PAOX: variants seen among roughly 807,000 people sequenced by gnomAD.
The protein encoded by PAOX is peroxisomal N(1)-acetyl-spermine/spermidine oxidase.
PAOX carries 38 observed loss-of-function variants against 39.0 expected under a neutral mutation model. The observed-to-expected ratio is 0.97, with a 90% CI of 0.75 to 1.28. PAOX has a LOEUF of 1.28. Among genes scored for constraint, PAOX ranks in the 50% most tolerant of loss-of-function variants. The pLI is 0.00. For synonymous variants in PAOX, 311 were observed against 314.4 expected (o/e 0.99, Z 0.11); for missense variants, 667 against 685.7 (o/e 0.97, Z 0.30).
intron 3 of PAOX, among the ~76,000 whole-genome samples, chr10:133,383,602 C>CAAAAAAA (rs61031143): frequency 8.2e-6 from 1 of 122,256 alleles, no homozygotes; most frequent in African/African-American, 3.0e-5. Context: ...GAATCCATCT[C>CAAAAAAA]AAAAAAAAAA....
intron 3 of PAOX, chr10:133,382,847 A>G (rs1011362212): frequency 6.7e-6 from 1 of 150,082 alleles, no homozygotes; most frequent in African/African-American, 2.4e-5. Context: ...TTTTTTTCTT[A>G]ATAGAACTTG....
chr10:133,379,959 G>A (rs1417522708), intron 1 of PAOX, 40 bp from the exon 2 acceptor site: 1 of 1,503,738 alleles, frequency 6.7e-7, no homozygotes, highest in Non-Finnish European at 8.8e-7. Context: ...GACCCTTCTA[G>A]GAAAGGGACC....
At chr10:133,389,220 T>TAACACC in intron 5 of PAOX, 152 bp downstream of exon 5, 1 of 678,848 alleles carries the variant, frequency 1.5e-6, no homozygotes, top group Non-Finnish European at 2.6e-6. Context: ...GTGGGGTCAG[T>TAACACC]AACAGTTCTT....
chr10:133,384,334 C>T lies in PAOX; in HGVS notation c.1121+122C>T. ...CTAGGGGGTTTAATGGGTAGGGTTC[C>T]CATGAGCGCCCCCCCACCAGGTGCT... On this transcript the variant is annotated intron_variant, in intron 4 of 6. Coordinates refer to ENST00000278060, the MANE Select transcript of PAOX (RefSeq NM_152911.4). This position sits in a 1 kb window ranked among gnomAD's most constrained non-coding sequence, Gnocchi z 4.3. The T allele has an allele frequency of 7.0e-7, 1 of 1,427,600 alleles. No individual in the cohort carries two copies. The highest frequency in any genetic ancestry group is 9.5e-7 in the Non-Finnish European group (1 of 1,057,416). The allele number at this position is 1,427,600 out of a possible 1,614,324, so 88.4% of individuals were successfully genotyped here. A position where few individuals can be genotyped will look rare whatever the true frequency, so the allele number is the denominator to read the frequency against.
At position 133,381,528 on chromosome 10, in the gene PAOX, C is replaced by T. The variant is rs779596041; in HGVS notation, c.737C>T (p.Pro246Leu). 2.5e-6 allele frequency: 4 copies of T among 1,613,720 alleles called. No individual in the cohort carries two copies. Among genetic ancestry groups the T allele is most frequent in the Non-Finnish European group, 3.4e-6 (4 of 1,180,040 alleles). The change falls in exon 3 of 7, where the codon CCT (proline) becomes CTT (leucine). Residue 246 changes from proline to leucine, a missense_variant. Transcript: ENST00000278060. ...LPEDTVVFEK[P>L]VKTIHWNGSF... Reference sequence around the variant, plus strand: ...GAGGACACTGTAGTTTTTGAGAAGCCTGTGAAGACCATCCACTGGAACGGG... The same window carrying T: ...GAGGACACTGTAGTTTTTGAGAAGCTTGTGAAGACCATCCACTGGAACGGG...
At chr10:133,385,458 G>A (rs1849504325) in intron 4 of PAOX, among the ~76,000 whole-genome samples, 1 of 35,622 alleles carries the variant, frequency 2.8e-5, no homozygotes, top group African/African-American at 4.1e-5. Context: ...GAGTGCTTTG[G>A]TGGGACCCTG....
rs563172129 is a variant in PAOX, at chr10:133,391,482, C to T, written c.*27C>T. 4.0e-5 allele frequency: 63 copies of T among 1,585,668 alleles called. No homozygotes were observed. In the African/African-American group the frequency reaches 5.4e-4, roughly 14 times the overall value. On this transcript the variant is annotated 3_prime_UTR_variant, in exon 7 of 7. Transcript: ENST00000278060. The stretch of plus-strand genomic sequence containing the variant: ...TGGGCCCAGCCTACTCTGTTCCACC[C>T]GTGTCGGGGGTAGGCTGGGACCCTC...
At position 133,384,714 on chromosome 10, in the gene PAOX, C is replaced by T. The variant is rs1849488598; in HGVS notation, c.1121+502C>T. Among the ~76,000 whole-genome samples, 1 of 152,158 alleles carries T rather than the reference C, an allele frequency of 6.6e-6. No individual in the cohort carries two copies. Among genetic ancestry groups the T allele is most frequent in the Non-Finnish European group, 1.5e-5 (1 of 68,038 alleles). ...CCACGTGGCGATTCAGGAGTTAATC[C>T]CATGAGTGATGTGGGGATGGAGGGA... is the stretch of plus-strand genomic sequence containing the variant. On this transcript the variant is annotated intron_variant, in intron 4 of 6. Transcript: ENST00000278060. This position sits in a 1 kb window ranked among gnomAD's most constrained non-coding sequence, Gnocchi z 4.3.
rs375231493 is a variant in PAOX, at chr10:133,379,912, G to A, written c.182-87G>A. 490 of 1,477,846 alleles carry A rather than the reference G, an allele frequency of 3.3e-4. 3 individuals are homozygous for A. The African/African-American group carries it at 6.4e-3, about 19-fold the overall frequency. 91.5% of individuals were successfully genotyped at this position (1,477,846 alleles called of 1,614,324 possible). A position where few individuals can be genotyped will look rare whatever the true frequency, so the allele number is the denominator to read the frequency against. ...AGTGTGGTACATCCTCCTTGGGAAG[G>A]CCAGCGTGGGCGTGGCCCAGGAGAA... is the stretch of plus-strand genomic sequence containing the variant. On this transcript the variant is annotated intron_variant, in intron 1 of 6. Coordinates refer to ENST00000278060, the MANE Select transcript of PAOX (RefSeq NM_152911.4).
chr10:133,383,932 G>A (rs1167947803), intron 3 of PAOX, 28 bp from the exon 4 acceptor site: 1 of 1,600,622 alleles, frequency 6.2e-7, no homozygotes, highest in Admixed American at 1.7e-5. Context: ...TTTATGTGAT[G>A]TAAGAAGAGT....
intron 6 of PAOX, chr10:133,390,826 T>TCCC: frequency 1.3e-5 from 4 of 318,538 alleles, no homozygotes; most frequent in Non-Finnish European, 1.8e-5. Context: ...CCCAGATCCC[T>TCCC]CCCCCACCCT....
In PAOX at chr10:133,381,620, C is replaced by A. The variant is rs200307936; in HGVS notation, c.829C>A (p.Arg277=). ...PVSVECEDGD[R]FPAHHVIVTV... is the part of the protein sequence containing the mutation. ...GTCGGTAGAGTGTGAGGATGGAGACCGGTTCCCGGCGCACCATGTCATCGT... is the reference window on the plus strand; with the variant it reads ...GTCGGTAGAGTGTGAGGATGGAGACAGGTTCCCGGCGCACCATGTCATCGT... Residue 277 remains arginine (R), a synonymous_variant, in exon 3 of 7, where the codon CGG becomes AGG. Coordinates refer to ENST00000278060, the MANE Select transcript of PAOX (RefSeq NM_152911.4). 1 of 1,613,308 alleles carries A rather than the reference C, an allele frequency of 6.2e-7. No individual in the cohort carries two copies. The highest frequency in any genetic ancestry group is 8.5e-7 in the Non-Finnish European group (1 of 1,180,006).
rs1272544807 is a variant in PAOX at position 133,391,437 on chromosome 10, G to A, written c.1518G>A (p.Gln506=). 11 of 1,612,218 alleles carry A rather than the reference G, an allele frequency of 6.8e-6. No individual in the cohort carries two copies. The highest frequency in any genetic ancestry group is 9.3e-6 in the Non-Finnish European group (11 of 1,179,744). Residue 506 remains glutamine, a synonymous_variant, in exon 7 of 7, where the codon CAG becomes CAA. Transcript: ENST00000278060. ...LLSLWAPQVQ[Q]PRPRL ...GTCTGTGGGCCCCGCAGGTGCAGCAGCCCAGGCCCAGGCTCTAGCTGGGCC... is the reference window on the plus strand; with the variant it reads ...GTCTGTGGGCCCCGCAGGTGCAGCAACCCAGGCCCAGGCTCTAGCTGGGCC...
rs551992347 is a variant in PAOX at position 133,389,696 on chromosome 10, C to T, written c.1341C>T (p.Gly447=). 5.0e-5 allele frequency: 79 copies of T among 1,595,560 alleles called. No individual in the cohort carries two copies. The highest frequency in any genetic ancestry group is 2.3e-4 in the South Asian group (21 of 90,278). The part of the protein sequence containing the change: ...YSYVAVGSTG[G]DLDLLAQPLP... ...ACGTGGCCGTGGGCAGTACTGGGGG[C>T]GACCTGGACCTGCTGGCTCAGCCCC... Residue 447 remains glycine (G), a synonymous_variant, in exon 6 of 7, where the codon GGC becomes GGT. Coordinates refer to ENST00000278060, the MANE Select transcript of PAOX (RefSeq NM_152911.4).
At chr10:133,389,903 C>T (rs568754211) in intron 6 of PAOX, among the ~76,000 whole-genome samples, 156 bp downstream of exon 6, 1 of 152,346 alleles carries the variant, frequency 6.6e-6, no homozygotes, top group East Asian at 1.9e-4. Context: ...TTTAAATGTA[C>T]TGTTTTTGTG....
Position 133,391,508 on chromosome 10 carries a change from AT to A in PAOX, c.*56del. On this transcript the variant is annotated 3_prime_UTR_variant, in exon 7 of 7. Transcript: ENST00000278060. Reference sequence around the variant, plus strand: ...GTGTCGGGGGTAGGCTGGGACCCTCATTTCTTCTGACAGATTTCAGTCTGGC... The same window carrying A: ...GTGTCGGGGGTAGGCTGGGACCCTCATTCTTCTGACAGATTTCAGTCTGGC... 1 of 1,539,090 alleles carries A rather than the reference AT, an allele frequency of 6.5e-7. No homozygotes were observed. Among genetic ancestry groups the A allele is most frequent in the Non-Finnish European group, 8.7e-7 (1 of 1,146,022 alleles).
intron 6 of PAOX, chr10:133,391,089 ATGGATACATGTGAGCTG>A: frequency 1.6e-6 from 1 of 640,604 alleles, no homozygotes; most frequent in Non-Finnish European, 2.9e-6. Flanking sequence ...CTGGCTGTTG[ATGGATACATGTGAGCTG>A]TTTTCCTGCC....
At chr10:133,387,110 C>G (rs780507530) in intron 4 of PAOX, among the ~76,000 whole-genome samples, 5 of 152,070 alleles carry the variant, frequency 3.3e-5, no homozygotes, top group Non-Finnish European at 7.4e-5. Context: ...AAGACCCAGT[C>G]TCTACCAAAA....
chr10:133,389,849 T>TC (rs1849629809), intron 6 of PAOX, 102 bp downstream of exon 6: 1 of 1,271,048 alleles, frequency 7.9e-7, no homozygotes, highest in Admixed American at 3.5e-5. Flanking sequence ...TGGGCTGGGA[T>TC]CCCAGACTCG....
Sources: allele counts gnomAD v4.1 joint callset (sites outside exome capture counted in the v4.1 genomes callset), GRCh38; gene constraint gnomAD v4.1.1; non-coding constraint Gnocchi (gnomAD v3.1); transcripts MANE v1.5; gene names NCBI Gene and HGNC (gene_info 2026-07-23, HGNC 2026-07-21).